OVGP1: variants seen among roughly 807,000 people sequenced by gnomAD.
OVGP1 encodes the protein oviductal glycoprotein 1, also known as oviduct-specific glycoprotein.
A neutral mutation model predicts 48.2 loss-of-function variants in OVGP1; 26 were observed. The observed-to-expected ratio is 0.54, with a 90% CI of 0.40 to 0.75. The LOEUF is 0.75. Ranked by LOEUF, OVGP1 falls within the 30% of genes least tolerant of loss-of-function variation. The probability of loss-of-function intolerance (pLI) is 0.00; values close to 1 mark genes in which losing one functional copy is unlikely to be tolerated. For synonymous variants in OVGP1, 294 were observed against 305.7 expected, an observed-to-expected ratio of 0.96 and a Z score of 0.40; for missense variants, 791 against 820.6, an observed-to-expected ratio of 0.96 and a Z score of 0.44.
intron 9 of OVGP1, chr1:111,416,660 C>T (rs1285673736): frequency 1.8e-5 from 7 of 387,066 alleles, no homozygotes; most frequent in Non-Finnish European, 3.2e-5. Context: ...TTAACTGCCT[C>T]ATTTGTGAAA....
chr1:111,421,525 G>T (rs1652270356), intron 7 of OVGP1, 40 bp downstream of exon 7: 2 of 1,607,768 alleles, frequency 1.2e-6, no homozygotes, highest in South Asian at 1.1e-5. Flanking sequence ...AGCTCAGGGG[G>T]GCAGATGTCT....
rs112145355 is a variant in OVGP1 at position 111,414,911 on chromosome 1, C to G, written c.1590G>C (p.Gln530His). Residue 530 changes from glutamine to histidine, a missense_variant, in exon 11 of 11, where the codon CAG becomes CAC. Physicochemically the swap from Gln to His is conservative, Grantham distance 24. Coordinates refer to ENST00000369732, the MANE Select transcript of OVGP1 (RefSeq NM_002557.4). ...GEKTLTPVGH[Q>H]SVTPVSHQSV... ...ACTGATGACTCACAGGGGTCACAGACTGATGACCCACAGGGGTCAGGGTCT... is the reference window on the plus strand; with the variant it reads ...ACTGATGACTCACAGGGGTCACAGAGTGATGACCCACAGGGGTCAGGGTCT... 5.8e-6 allele frequency: 9 copies of G among 1,558,038 alleles called. No individual in the cohort carries two copies. Among genetic ancestry groups the G allele is most frequent in the Non-Finnish European group, 7.9e-6 (9 of 1,145,934 alleles).
intron 9 of OVGP1, 143 bp downstream of exon 9, chr1:111,419,467 T>C (rs1652208615): frequency 3.1e-6 from 2 of 653,096 alleles, no homozygotes; most frequent in South Asian, 1.9e-5. Flanking sequence ...AGAACTAAAA[T>C]GTAGGCATGC....
chr1:111,426,862 C>G, intron 2 of OVGP1, 200 bp downstream of exon 2: 1 of 1,548,808 alleles, frequency 6.5e-7, no homozygotes, highest in African/African-American at 1.4e-5. Flanking sequence ...CTGGTCAGAA[C>G]AGATTCTCAA....
Position 111,414,760 on chromosome 1 carries a change from T to C in OVGP1, c.1741A>G (p.Ile581Val). The C allele has an allele frequency of 1.2e-6, 2 of 1,610,896 alleles. No homozygotes were observed. The highest frequency in any genetic ancestry group is 1.7e-6 in the Non-Finnish European group (2 of 1,177,464). ...GTCTGCCCTTCAGGGGTGACTGATA[T>C]GTTTCTGGAGGGGACAGTCACCTTT... ...REKVTVPSRNISVTPEGQTMP... is the reference protein window; with the variant it reads ...REKVTVPSRNVSVTPEGQTMP... The change falls in exon 11 of 11, where the codon ATA becomes GTA. Residue 581 changes from isoleucine (I) to valine (V), a missense_variant. Physicochemically the swap from Ile to Val is conservative, Grantham distance 29. Transcript: ENST00000369732.
Position 111,422,983 on chromosome 1 carries a change from A to G in OVGP1, c.552T>C (p.Ala184=). ...TMRPRLLLSA[A]VSGVPHIVQT... is the part of the protein sequence containing the mutation. ...GGACGATGTGTGGGACCCCAGAAAC[A>G]GCAGCAGACAGCAGCAGCCTCGGGC... The change falls in exon 6 of 11, where the codon GCT becomes GCC. Residue 184 remains alanine, a synonymous_variant. Transcript: ENST00000369732. The G allele has an allele frequency of 6.2e-7, 1 of 1,614,186 alleles. No homozygotes were observed. Among genetic ancestry groups the G allele is most frequent in the Non-Finnish European group, 8.5e-7 (1 of 1,180,012 alleles).
Position 111,414,820 on chromosome 1 carries a change from T to C in OVGP1, c.1681A>G (p.Thr561Ala). Residue 561 changes from threonine (T) to alanine (A), a missense_variant, in exon 11 of 11, where the codon ACA (threonine) becomes GCA (alanine). Physicochemically the swap from Thr to Ala is moderately conservative, Grantham distance 58. Transcript: ENST00000369732. Reference protein sequence around the residue: ...HFQTETLRQNTVAPRRKAVAR... With the variant: ...HFQTETLRQNAVAPRRKAVAR... Reference sequence around the variant, plus strand: ...ACAGCCTTCCTTCTAGGGGCCACTGTATTCTGTCTAAGGGTCTCAGTCTGA... The same window carrying C: ...ACAGCCTTCCTTCTAGGGGCCACTGCATTCTGTCTAAGGGTCTCAGTCTGA... 6.3e-7 allele frequency: 1 copy of C among 1,596,418 alleles called. No homozygotes were observed.
chr1:111,426,611 G>C lies in OVGP1; in HGVS notation c.86C>G (p.Thr29Ser). 2 of 1,614,054 alleles carry C rather than the reference G, an allele frequency of 1.2e-6. No individual in the cohort carries two copies. Among genetic ancestry groups the C allele is most frequent in the Non-Finnish European group, 1.7e-6 (2 of 1,179,954 alleles). Reference sequence around the variant, plus strand: ...GCCTGGCCGACTGTGTGCCCAGTTGGTGAAATAACACACGAGTTTATGGGC... The same window carrying C: ...GCCTGGCCGACTGTGTGCCCAGTTGCTGAAATAACACACGAGTTTATGGGC... ...GAAHKLVCYF[T>S]NWAHSRPGPA... Residue 29 changes from threonine (T) to serine (S), a missense_variant, in exon 3 of 11, where the codon ACC becomes AGC. Physicochemically the swap from Thr to Ser is moderately conservative, Grantham distance 58. Coordinates refer to ENST00000369732, the MANE Select transcript of OVGP1 (RefSeq NM_002557.4).
chr1:111,420,251 A>T (rs1456930922), intron 8 of OVGP1, among the ~76,000 whole-genome samples: 1 of 152,202 alleles, frequency 6.6e-6, no homozygotes, highest in Non-Finnish European at 1.5e-5. Context: ...TTGTGCTAAA[A>T]ACTATATGCT....
At chr1:111,422,846 G>A (rs988384782) in intron 6 of OVGP1, 81 bp downstream of exon 6, 9 of 1,546,028 alleles carry the variant, frequency 5.8e-6, no homozygotes, top group Non-Finnish European at 8.0e-6. Context: ...CAAAAACAGT[G>A]CTTGGGAAGC....
chr1:111,414,897 A>G lies in OVGP1; in HGVS notation c.1604T>C (p.Val535Ala). The part of the protein sequence containing the change: ...TPVGHQSVTP[V>A]SHQSVSPGGT... The stretch of plus-strand genomic sequence containing the variant: ...TCCAGGGCTCACAGACTGATGACTC[A>G]CAGGGGTCACAGACTGATGACCCAC... Residue 535 changes from valine to alanine, a missense_variant, in exon 11 of 11, where the codon GTG becomes GCG. Physicochemically the swap from Val to Ala is moderately conservative, Grantham distance 64. Coordinates refer to ENST00000369732, the MANE Select transcript of OVGP1 (RefSeq NM_002557.4). 2.7e-6 allele frequency: 2 copies of G among 751,904 alleles called. No homozygotes were observed. The highest frequency in any genetic ancestry group is 3.7e-6 in the Non-Finnish European group (2 of 533,864). The allele number at this position is 751,904 out of a possible 1,614,324, so 46.6% of individuals were successfully genotyped here.
chr1:111,415,349 A>G lies in OVGP1; in HGVS notation c.1157-5T>C, dbSNP rs376084514. On this transcript the variant is annotated splice_polypyrimidine_tract_variant and splice_region_variant and intron_variant, in intron 10 of 10. Transcript: ENST00000369732. ...GTAAAGAAGTTGAACTGAACTCTAG[A>G]GAAAATCAACAGAAAAGAATGAGAT... 1 of 1,599,650 alleles carries G rather than the reference A, an allele frequency of 6.3e-7. No homozygotes were observed. The highest frequency in any genetic ancestry group is 8.5e-7 in the Non-Finnish European group (1 of 1,171,176).
In OVGP1 at chr1:111,421,624, C is replaced by T; in HGVS notation, c.658G>A (p.Glu220Lys). ...GGGCTATTATGTCCTGTGAACCTTT[C>T]CCAACTTCCATGTAAGTCATAAGAC... ...VLSYDLHGSW[E>K]RFTGHNSPLF... The change falls in exon 7 of 11, where the codon GAA becomes AAA. Residue 220 changes from glutamate to lysine, a missense_variant. Physicochemically the swap from Glu to Lys is moderately conservative, Grantham distance 56 (BLOSUM62 1). Coordinates refer to ENST00000369732, the MANE Select transcript of OVGP1 (RefSeq NM_002557.4). The T allele has an allele frequency of 6.2e-7, 1 of 1,613,310 alleles. No individual in the cohort carries two copies. Among genetic ancestry groups the T allele is most frequent in the South Asian group, 1.1e-5 (1 of 91,060 alleles).
In OVGP1 at chr1:111,414,654, G is replaced by A; in HGVS notation, c.1847C>T (p.Ala616Val). ...GGAGGACAGCATCATCCTGTTTTCA[G>A]CTTCCATCTGAAGACCCAAGTTACC... ...RMGNLGLQME[A>V]ENRMMLSSSP... The change falls in exon 11 of 11, where the codon GCT becomes GTT. Residue 616 changes from alanine to valine, a missense_variant. Coordinates refer to ENST00000369732, the MANE Select transcript of OVGP1 (RefSeq NM_002557.4). The A allele has an allele frequency of 6.2e-7, 1 of 1,614,214 alleles. No homozygotes were observed. The highest frequency in any genetic ancestry group is 8.5e-7 in the Non-Finnish European group (1 of 1,180,032).
At chr1:111,423,402 C>T in intron 5 of OVGP1, 141 bp downstream of exon 5, 1 of 895,508 alleles carries the variant, frequency 1.1e-6, no homozygotes, top group Non-Finnish European at 1.7e-6. Flanking sequence ...CAGGTATTAC[C>T]CTCCAGGGGT....
rs1482655620 is a variant in OVGP1, at chr1:111,416,436, T to C, written c.1043A>G (p.His348Arg). Residue 348 changes from histidine to arginine, a missense_variant, in exon 10 of 11, where the codon CAT (histidine) becomes CGT (arginine). By Grantham distance (29) the His-to-Arg change is conservative (BLOSUM62 0). Coordinates refer to ENST00000369732, the MANE Select transcript of OVGP1 (RefSeq NM_002557.4). ...TGTCCACACCATGGCCCCCCCAAAA[T>C]GCTCTCGCCTTATAAACCATGCCTG... ...SYKAWFIRRE[H>R]FGGAMVWTLD... 6.2e-7 allele frequency: 1 copy of C among 1,605,752 alleles called. No individual in the cohort carries two copies. The highest frequency in any genetic ancestry group is 1.7e-5 in the Admixed American group (1 of 58,708).
Position 111,421,386 on chromosome 1 carries a change from G to T in OVGP1, c.793C>A (p.Arg265Ser). 6.2e-7 allele frequency: 1 copy of T among 1,614,088 alleles called. No individual in the cohort carries two copies. Among genetic ancestry groups the T allele is most frequent in the Non-Finnish European group, 8.5e-7 (1 of 1,180,002 alleles). The change falls in exon 8 of 11, where the codon CGT becomes AGT. Residue 265 changes from arginine to serine, a missense_variant. Coordinates refer to ENST00000369732, the MANE Select transcript of OVGP1 (RefSeq NM_002557.4). ...GAGGCTTTGAGGAGGCGAAAGGTAC[G>T]TCCATAGGTGGGGATCCCCATGATG... is the stretch of plus-strand genomic sequence containing the variant. ...KLIMGIPTYG[R>S]TFRLLKASKN...
Position 111,414,925 on chromosome 1 carries a change from G to A in OVGP1, c.1576C>T (p.Pro526Ser), listed in dbSNP as rs12096782. The part of the protein sequence containing the change: ...SVTPGEKTLT[P>S]VGHQSVTPVS... Reference sequence around the variant, plus strand: ...GGGGTCACAGACTGATGACCCACAGGGGTCAGGGTCTTTTCCCCAGGGGTC... The same window carrying A: ...GGGGTCACAGACTGATGACCCACAGAGGTCAGGGTCTTTTCCCCAGGGGTC... Residue 526 changes from proline (P) to serine (S), a missense_variant, in exon 11 of 11, where the codon CCT (proline) becomes TCT (serine). By Grantham distance (74) the Pro-to-Ser change is moderately conservative (BLOSUM62 -1). Coordinates refer to ENST00000369732, the MANE Select transcript of OVGP1 (RefSeq NM_002557.4). 4,497 of 1,603,028 alleles carry A rather than the reference G, an allele frequency of 2.8e-3. 135 individuals are homozygous for A. The African/African-American group carries it at 0.055, about 20-fold the overall frequency.
intron 5 of OVGP1, 135 bp downstream of exon 5, chr1:111,423,408 G>A: frequency 1.1e-6 from 1 of 938,116 alleles, no homozygotes; most frequent in African/African-American, 1.7e-5. Flanking sequence ...TTACCCTCCA[G>A]GGGTTCACAG....
Sources: gnomAD v4.1 joint callset for allele counts (sites outside exome capture counted in the v4.1 genomes callset) on GRCh38, gnomAD v4.1.1 for gene constraint, MANE v1.5 for transcripts, NCBI Gene and HGNC (gene_info 2026-07-23, HGNC 2026-07-21) for gene names.